The following MYLK variants were observed in gnomAD, a reference collection of about 807,000 sequenced individuals.
MYLK encodes myosin light chain kinase.
Under a neutral mutation model 203.4 loss-of-function variants are expected in MYLK, and 106 were observed. The observed-to-expected ratio is 0.52, with a 90% confidence interval of 0.45 to 0.61. The LOEUF (loss-of-function observed/expected upper bound fraction) is 0.61. Ranked by LOEUF, MYLK falls within the 20% of genes least tolerant of loss-of-function variation. The pLI is 0.00. For missense variants in MYLK, 2,072 were observed against 2,442.3 expected (o/e 0.85, Z 3.20); for synonymous variants, 867 against 959.5 (o/e 0.90, Z 1.78).
At chr3:123,832,791 C>T (rs956829874) in intron 2 of MYLK, among the ~76,000 whole-genome samples, 18 of 152,288 alleles carry the variant, frequency 1.2e-4, no homozygotes, top group Middle Eastern at 3.4e-3. Context: ...TCTTGGACTT[C>T]CATTTTCCAG....
chr3:123,763,970 T>C (rs752366408), intron 4 of MYLK, among the ~76,000 whole-genome samples: 27 of 152,240 alleles, frequency 1.8e-4, no homozygotes, highest in Non-Finnish European at 3.5e-4. Flanking sequence ...TACATTTCTT[T>C]TCACACTTTT....
intron 3 of MYLK, among the ~76,000 whole-genome samples, chr3:123,812,791 G>A (rs780910538): frequency 5.9e-5 from 9 of 152,210 alleles, no homozygotes; most frequent in Non-Finnish European, 1.2e-4. Flanking sequence ...CTGAGCTGAG[G>A]CTGTCTGTGA....
At chr3:123,729,811 T>C (rs1443677112) in intron 11 of MYLK, among the ~76,000 whole-genome samples, 2 of 150,340 alleles carry the variant, frequency 1.3e-5, no homozygotes, top group East Asian at 3.9e-4. Context: ...GAGGCTGGGA[T>C]GTTGAGGCAG....
chr3:123,756,541 G>T (rs542817898), intron 4 of MYLK, among the ~76,000 whole-genome samples: 12 of 152,138 alleles, frequency 7.9e-5, no homozygotes, highest in African/African-American at 2.9e-4. Context: ...GGTATCTAAG[G>T]TTCCTCCCAT....
intron 5 of MYLK, among the ~76,000 whole-genome samples, chr3:123,750,094 C>T (rs2063147914): frequency 6.6e-6 from 1 of 152,164 alleles, no homozygotes; most frequent in Non-Finnish European, 1.5e-5. Context: ...GTGGGGTGGC[C>T]CCAAACCACA....
chr3:123,784,495 G>GA (rs1180240954), intron 4 of MYLK, among the ~76,000 whole-genome samples: 8 of 145,918 alleles, frequency 5.5e-5, no homozygotes, highest in Non-Finnish European at 1.0e-4. Flanking sequence ...CACTGTGTAA[G>GA]ATGGGGACAT....
intron 31 of MYLK, 41 bp downstream of exon 31, chr3:123,626,777 A>G: frequency 6.2e-7 from 1 of 1,613,562 alleles, no homozygotes; most frequent in South Asian, 1.1e-5. Flanking sequence ...CAACACAAAT[A>G]TGAGGGGCAA....
intron 2 of MYLK, among the ~76,000 whole-genome samples, chr3:123,852,208 T>A (rs1427221400): frequency 6.6e-6 from 1 of 152,202 alleles, no homozygotes; most frequent in Non-Finnish European, 1.5e-5. Flanking sequence ...AAAATTCTCT[T>A]TTTTGTTGTG....
chr3:123,725,758 A>T (rs2108755948), intron 12 of MYLK, among the ~76,000 whole-genome samples, 186 bp downstream of exon 12: 1 of 152,284 alleles, frequency 6.6e-6, no homozygotes, highest in Non-Finnish European at 1.5e-5. Flanking sequence ...CTCAGACAGG[A>T]GTAGTAACTT....
intron 20 of MYLK, among the ~76,000 whole-genome samples, chr3:123,679,351 T>A (rs1353603350): frequency 6.7e-6 from 1 of 150,164 alleles, no homozygotes; most frequent in Non-Finnish European, 1.5e-5. Flanking sequence ...TCACTTCCCA[T>A]CTCTGGGCAG....
At chr3:123,775,435 C>A (rs1023690440) in intron 4 of MYLK, among the ~76,000 whole-genome samples, 1 of 152,180 alleles carries the variant, frequency 6.6e-6, no homozygotes, top group African/African-American at 2.4e-5. Flanking sequence ...GCTTAGTGAG[C>A]AAGAACTGAG....
At chr3:123,809,881 C>T (rs112669723) in intron 3 of MYLK, among the ~76,000 whole-genome samples, 13 of 152,306 alleles carry the variant, frequency 8.5e-5, no homozygotes, top group African/African-American at 2.2e-4. Flanking sequence ...TAATTTCCTG[C>T]GGTTCTTATA....
At position 123,727,997 on chromosome 3, in the gene MYLK, G is replaced by T. The variant is rs572178688; in HGVS notation, c.1517-1919C>A. ...GCTTCATGGTAAACTCATCTGCCAA[G>T]AATTAGCTAGGATGTTTAGGAACTG... On this transcript the variant is annotated intron_variant, in intron 11 of 33. Transcript: ENST00000360304. Among the ~76,000 whole-genome samples the T allele has an allele frequency of 6.6e-4, 101 of 152,318 alleles. No homozygotes were observed. The South Asian group carries it at 7.5e-3, about 11-fold the overall frequency.
rs1576276421 is a variant in MYLK at position 123,612,305 on chromosome 3, C to T, written c.*1800G>A. ...GAGAAGTCTGCAAAGATTGAACAAA[C>T]AGCATGCACTGTGGTATCCTTTATT... On this transcript the variant is annotated 3_prime_UTR_variant, in exon 34 of 34. Coordinates refer to ENST00000360304, the MANE Select transcript of MYLK (RefSeq NM_053025.4). 6.6e-6 allele frequency: 1 copy of T among 152,636 alleles called. No individual in the cohort carries two copies. The highest frequency in any genetic ancestry group is 1.5e-5 in the Non-Finnish European group (1 of 68,040). The allele number at this position is 152,636 out of a possible 1,614,324, so 9.5% of individuals were successfully genotyped here.
chr3:123,713,122 C>T (rs1331317817), intron 13 of MYLK, among the ~76,000 whole-genome samples: 1 of 152,164 alleles, frequency 6.6e-6, no homozygotes, highest in African/African-American at 2.4e-5. Context: ...TGGGGGAAAC[C>T]GGCCGATCGG....
intron 20 of MYLK, among the ~76,000 whole-genome samples, chr3:123,669,620 G>A (rs759520205): frequency 1.3e-5 from 2 of 152,032 alleles, no homozygotes; most frequent in Non-Finnish European, 2.9e-5. Flanking sequence ...GGTATCCTGT[G>A]TGCAACTTTC....
rs9289224 is a variant in MYLK at position 123,805,028 on chromosome 3, G to A, written c.-3-11184C>T. On this transcript the variant is annotated intron_variant, in intron 3 of 33. Coordinates refer to ENST00000360304, the MANE Select transcript of MYLK (RefSeq NM_053025.4). The stretch of plus-strand genomic sequence containing the variant: ...CCCAGACTCTTATCAAGTGAAGACT[G>A]TCACCAGCCCCAGCTGTCCACAGCT... Among the ~76,000 whole-genome samples the A allele has an allele frequency of 6.1e-3, 934 of 152,284 alleles. 11 individuals carry two copies. Among genetic ancestry groups the A allele is most frequent in the African/African-American group, 0.022 (902 of 41,560 alleles).
rs142753401 is a variant in MYLK, at chr3:123,698,367, C to T, written c.3448+1653G>A. Reference sequence around the variant, plus strand: ...AAGAGATCAGAGAGCCAGGGGACAGCCCCAACCTTGTCCTGAGGATGGTGG... The same window carrying T: ...AAGAGATCAGAGAGCCAGGGGACAGTCCCAACCTTGTCCTGAGGATGGTGG... On this transcript the variant is annotated intron_variant, in intron 18 of 33. Transcript: ENST00000360304. Among the ~76,000 whole-genome samples the T allele has an allele frequency of 1.8e-4, 27 of 152,294 alleles. No homozygotes were observed. The East Asian group carries it at 5.0e-3, about 28-fold the overall frequency.
At chr3:123,827,526 T>C (rs1389027247) in intron 3 of MYLK, among the ~76,000 whole-genome samples, 1 of 151,002 alleles carries the variant, frequency 6.6e-6, no homozygotes, top group African/African-American at 2.4e-5. Context: ...AGGGAAAAAC[T>C]CTGTCAGCCA....
Sources: gnomAD v4.1 joint callset for allele counts (sites outside exome capture counted in the v4.1 genomes callset) on GRCh38, gnomAD v4.1.1 for gene constraint, MANE v1.5 for transcripts, NCBI Gene and HGNC (gene_info 2026-07-23, HGNC 2026-07-21) for gene names.